SLC25A17: variants seen among roughly 807,000 people sequenced by gnomAD.
SLC25A17 encodes solute carrier family 25 member 17, also known as peroxisomal membrane protein PMP34.
Under a neutral mutation model 38.5 loss-of-function variants are expected in SLC25A17, and 26 were observed. The ratio of observed to expected loss-of-function variants is 0.68; its 90% confidence interval spans 0.50 to 0.94. The LOEUF (loss-of-function observed/expected upper bound fraction) is 0.94, where lower values mean the gene tolerates loss of function less well. Among genes scored for constraint, SLC25A17 ranks in the 40% least tolerant of loss-of-function variants. SLC25A17 has a pLI of 0.00. For synonymous variants in SLC25A17, 139 were observed against 136.2 expected, an observed-to-expected ratio of 1.02 and a Z score of -0.14; for missense variants, 333 against 372.7, an observed-to-expected ratio of 0.89 and a Z score of 0.88.
At position 40,791,553 on chromosome 22, in the gene SLC25A17, TA is replaced by T. The variant is rs2057385393; in HGVS notation, c.334+971del. On this transcript the variant is annotated intron_variant, in intron 4 of 8. Transcript: ENST00000435456. ...CCTACAACTTCAGAGCAAAAAAATGTAATAACCTGATTAAAAAATAGACAAA... is the reference window on the plus strand; with the variant it reads ...CCTACAACTTCAGAGCAAAAAAATGTATAACCTGATTAAAAAATAGACAAA... 2.0e-5 allele frequency among the ~76,000 whole-genome samples: 3 copies of T among 152,098 alleles called. No individual in the cohort carries two copies. In the South Asian group the frequency reaches 6.2e-4, roughly 32 times the overall value.
chr22:40,816,217 A>G (rs1431997161), intron 1 of SLC25A17, among the ~76,000 whole-genome samples: 1 of 151,934 alleles, frequency 6.6e-6, no homozygotes, highest in East Asian at 1.9e-4. Context: ...AAAAAGAAAG[A>G]AAGAAAGAAA....
chr22:40,776,451 G>C (rs973061801), intron 7 of SLC25A17: 1 of 307,618 alleles, frequency 3.3e-6, no homozygotes, highest in African/African-American at 2.3e-5. Context: ...ACTTGAATGA[G>C]AAGGAAGCAA....
At chr22:40,810,701 A>C (rs1268632027) in intron 1 of SLC25A17, among the ~76,000 whole-genome samples, 1 of 152,206 alleles carries the variant, frequency 6.6e-6, no homozygotes, top group African/African-American at 2.4e-5. Context: ...ATAGTTTAAA[A>C]AATCACATAG....
At chr22:40,778,267 T>C (rs530258189) in intron 5 of SLC25A17, among the ~76,000 whole-genome samples, 8 of 152,334 alleles carry the variant, frequency 5.3e-5, no homozygotes, top group South Asian at 2.1e-4. Context: ...GGGAGCAGCA[T>C]ACTTCTCTAC....
chr22:40,796,069 G>A (rs1033900188), intron 2 of SLC25A17, among the ~76,000 whole-genome samples: 5 of 152,058 alleles, frequency 3.3e-5, no homozygotes, highest in East Asian at 1.9e-4. Context: ...GATTACAGGC[G>A]TCAGCCACCA....
At chr22:40,808,778 C>T (rs1285686270) in intron 1 of SLC25A17, among the ~76,000 whole-genome samples, 1 of 152,224 alleles carries the variant, frequency 6.6e-6, no homozygotes, top group Non-Finnish European at 1.5e-5. Flanking sequence ...GTCTGGAGAT[C>T]CCTAAAAGTC....
chr22:40,778,865 TA>T lies in SLC25A17; in HGVS notation c.451+143del, dbSNP rs374741393. The T allele has an allele frequency of 3.1e-3, 2,096 of 675,280 alleles. 6 individuals carry two copies. Among genetic ancestry groups the T allele is most frequent in the Non-Finnish European group, 4.4e-3 (1,777 of 400,592 alleles). The allele number at this position is 675,280 out of a possible 1,614,324, so 41.8% of individuals were successfully genotyped here. On this transcript the variant is annotated intron_variant, in intron 5 of 8. Coordinates refer to ENST00000435456, the MANE Select transcript of SLC25A17 (RefSeq NM_006358.4). ...TAATATCCAGAATCAACAAAGAACT[TA>T]AACAAATTTACAAGAAAAAAAATCA...
intron 8 of SLC25A17, among the ~76,000 whole-genome samples, chr22:40,771,629 T>C (rs1328091460): frequency 1.3e-5 from 2 of 152,186 alleles, no homozygotes; most frequent in African/African-American, 4.8e-5. Flanking sequence ...TATCGCATGT[T>C]CTCACTTATT....
chr22:40,789,947 C>T lies in SLC25A17; in HGVS notation c.334+2578G>A, dbSNP rs1257251214. On this transcript the variant is annotated intron_variant, in intron 4 of 8. Transcript: ENST00000435456. This position sits in a 1 kb window ranked among gnomAD's most constrained non-coding sequence, Gnocchi z 4.5. The stretch of plus-strand genomic sequence containing the variant: ...TGAGCCACCACACCTGGCCTTGGAC[C>T]ATTTTCTGACAAGACAACAGATGAT... Among the ~76,000 whole-genome samples, 2 of 151,928 alleles carry T rather than the reference C, an allele frequency of 1.3e-5. No individual in the cohort carries two copies. Among genetic ancestry groups the T allele is most frequent in the African/African-American group, 2.4e-5 (1 of 41,374 alleles).
At chr22:40,811,042 C>T (rs1337493670) in intron 1 of SLC25A17, among the ~76,000 whole-genome samples, 1 of 151,742 alleles carries the variant, frequency 6.6e-6, no homozygotes, top group Non-Finnish European at 1.5e-5. Flanking sequence ...TTAATCCTCT[C>T]ACCTCAGCCT....
At chr22:40,781,780 T>G (rs1220349363) in intron 4 of SLC25A17, among the ~76,000 whole-genome samples, 2 of 152,142 alleles carry the variant, frequency 1.3e-5, no homozygotes, top group African/African-American at 4.8e-5. Flanking sequence ...GAAGCTTTAC[T>G]AAAACTTGCA....
At chr22:40,796,844 A>C (rs1244830859) in intron 2 of SLC25A17, among the ~76,000 whole-genome samples, 2 of 152,188 alleles carry the variant, frequency 1.3e-5, no homozygotes, top group Non-Finnish European at 2.9e-5. Flanking sequence ...GTGCATTCAC[A>C]CCATGGAATG....
At chr22:40,817,944 T>C (rs2057659337) in intron 1 of SLC25A17, among the ~76,000 whole-genome samples, 1 of 152,260 alleles carries the variant, frequency 6.6e-6, no homozygotes, top group African/African-American at 2.4e-5. Context: ...CTGAACTGAA[T>C]GAACCAGGCT....
At chr22:40,784,270 T>G (rs1390211541) in intron 4 of SLC25A17, among the ~76,000 whole-genome samples, 1 of 151,962 alleles carries the variant, frequency 6.6e-6, no homozygotes, top group Admixed American at 6.6e-5. Context: ...TGGGAAAGGG[T>G]ATATACTTTT....
intron 1 of SLC25A17, among the ~76,000 whole-genome samples, chr22:40,805,135 G>C (rs942326890): frequency 6.6e-6 from 1 of 152,224 alleles, no homozygotes; most frequent in African/African-American, 2.4e-5. Context: ...AAGAGTTCAA[G>C]ACCAGCCTAG....
At chr22:40,795,931 G>T (rs1442007496) in intron 2 of SLC25A17, among the ~76,000 whole-genome samples, 1 of 152,066 alleles carries the variant, frequency 6.6e-6, no homozygotes, top group East Asian at 1.9e-4. Context: ...GGGATTACAG[G>T]CTCCTGCCAC....
chr22:40,812,141 T>G (rs1279895564), intron 1 of SLC25A17, among the ~76,000 whole-genome samples: 1 of 152,032 alleles, frequency 6.6e-6, no homozygotes, highest in Non-Finnish European at 1.5e-5. Flanking sequence ...GTGTTTTGCC[T>G]GCCTCAGCCT....
chr22:40,792,757 A>G (rs1344323484), intron 3 of SLC25A17, 81 bp from the exon 4 acceptor site: 3 of 1,429,456 alleles, frequency 2.1e-6, no homozygotes, highest in Non-Finnish European at 1.9e-6. Context: ...AAGGCTGACC[A>G]TCATTCACAT....
intron 7 of SLC25A17, 131 bp from the exon 8 acceptor site, chr22:40,774,150 T>C: frequency 1.8e-5 from 10 of 559,560 alleles, no homozygotes; most frequent in Admixed American, 3.3e-5. Flanking sequence ...ATTAGTACCA[T>C]AGATTTCATT....
Sources: allele counts gnomAD v4.1 joint callset (sites outside exome capture counted in the v4.1 genomes callset), GRCh38; gene constraint gnomAD v4.1.1; non-coding constraint Gnocchi (gnomAD v3.1); transcripts MANE v1.5; gene names NCBI Gene and HGNC (gene_info 2026-07-23, HGNC 2026-07-21).